The following PTBP3 variants were observed in gnomAD, a reference collection of about 807,000 sequenced individuals.
PTBP3 encodes polypyrimidine tract-binding protein 3.
PTBP3 carries 20 observed loss-of-function variants against 58.7 expected under a neutral mutation model. That is an observed-to-expected ratio of 0.34 (90% CI 0.24 to 0.50). The LOEUF (loss-of-function observed/expected upper bound fraction) is 0.50, where lower values mean the gene tolerates loss of function less well. Ranked by LOEUF, PTBP3 falls within the 20% of genes least tolerant of loss-of-function variation. The pLI, the probability that PTBP3 is intolerant of heterozygous loss-of-function variation, is 0.98. For synonymous variants in PTBP3, 185 were observed against 219.8 expected, an observed-to-expected ratio of 0.84 and a Z score of 1.40; for missense variants, 509 against 637.2, an observed-to-expected ratio of 0.80 and a Z score of 2.17.
chr9:112,256,943 A>C (rs1226612490), intron 5 of PTBP3, among the ~76,000 whole-genome samples: 1 of 152,166 alleles, frequency 6.6e-6, no homozygotes, highest in Non-Finnish European at 1.5e-5. Context: ...TCTTGATGTA[A>C]AATATATCAT....
At chr9:112,351,074 C>T in the PTBP3 span, among the ~76,000 whole-genome samples, 10 of 152,288 alleles carry the variant, frequency 6.6e-5, no homozygotes, top group South Asian at 4.1e-4. Context: ...CATGAGCCAC[C>T]GTGCCTGGCC....
At chr9:112,253,104 T>G (rs1241135827) in intron 5 of PTBP3, among the ~76,000 whole-genome samples, 4 of 152,220 alleles carry the variant, frequency 2.6e-5, no homozygotes, top group Non-Finnish European at 5.9e-5. Context: ...GTGGGAGTCA[T>G]GGACCAACTA....
intron 12 of PTBP3, 92 bp downstream of exon 12, chr9:112,227,319 G>A: frequency 7.3e-7 from 1 of 1,376,704 alleles, no homozygotes; most frequent in South Asian, 1.2e-5. Context: ...CAACTGCTAG[G>A]TTAGAACAAT....
chr9:112,258,457 T>G (rs1186136054), intron 5 of PTBP3, among the ~76,000 whole-genome samples: 1 of 151,456 alleles, frequency 6.6e-6, no homozygotes, highest in Non-Finnish European at 1.5e-5. Flanking sequence ...ATTTATCATC[T>G]CCCACTTGAA....
chr9:112,341,954 C>T, the PTBP3 span, among the ~76,000 whole-genome samples: 1 of 152,094 alleles, frequency 6.6e-6, no homozygotes, highest in Non-Finnish European at 1.5e-5. Flanking sequence ...GGCATTATTT[C>T]TGGGTGTGCT....
chr9:112,344,898 C>T, the PTBP3 span, among the ~76,000 whole-genome samples: 3 of 151,924 alleles, frequency 2.0e-5, no homozygotes, highest in Non-Finnish European at 2.9e-5. Context: ...TTTGGGAGGC[C>T]GAGGCGGGTG....
At chr9:112,368,731 T>C in the PTBP3 span, among the ~76,000 whole-genome samples, 1 of 152,156 alleles carries the variant, frequency 6.6e-6, no homozygotes. Context: ...GGAGATGAAA[T>C]ACCTCTGTGA....
intron 2 of PTBP3, among the ~76,000 whole-genome samples, chr9:112,284,791 G>A (rs1828035646): frequency 6.6e-6 from 1 of 152,144 alleles, no homozygotes; most frequent in Middle Eastern, 3.2e-3. Flanking sequence ...AGGAGCCTAT[G>A]GCCCTTGCGT....
At position 112,231,510 on chromosome 9, in the gene PTBP3, G is replaced by C. The variant is rs943621; in HGVS notation, c.1021-97C>G. 4.9e-6 allele frequency: 5 copies of C among 1,010,552 alleles called. No individual in the cohort carries two copies. The Admixed American group carries it at 7.9e-5, about 16-fold the overall frequency. 62.6% of individuals were successfully genotyped at this position (1,010,552 alleles called of 1,614,324 possible). On this transcript the variant is annotated intron_variant, in intron 9 of 13. Coordinates refer to ENST00000374257, the MANE Select transcript of PTBP3 (RefSeq NM_001163788.4). ...TAATGGCAGTTGATTTTATTTTAAAGCATGGTTTTATATGCTTCTTCCGTA... is the reference window on the plus strand; with the variant it reads ...TAATGGCAGTTGATTTTATTTTAAACCATGGTTTTATATGCTTCTTCCGTA...
Position 112,223,887 on chromosome 9 carries a change from G to C in PTBP3, c.1539C>G (p.His513Gln), listed in dbSNP as rs748561549. Residue 513 changes from histidine to glutamine, a missense_variant, in exon 14 of 14, where the codon CAC (histidine) becomes CAG (glutamine). His to Gln is a conservative substitution (Grantham distance 24). This residue lies in a region of PTBP3 where 135 missense variants were observed against 229.0 expected (regional missense o/e 0.59). Coordinates refer to ENST00000374257, the MANE Select transcript of PTBP3 (RefSeq NM_001163788.4). ...ATTTTGAGAAGGAAACTCTGAGGTG[G>C]TGATTTTCTCCAAGGTCATGGTTAT... ...ELHNHDLGEN[H>Q]HLRVSFSKST... is the part of the protein sequence containing the mutation. 3 of 1,613,434 alleles carry C rather than the reference G, an allele frequency of 1.9e-6. No homozygotes were observed. The highest frequency in any genetic ancestry group is 8.5e-7 in the Non-Finnish European group (1 of 1,179,520).
intron 1 of PTBP3, among the ~76,000 whole-genome samples, chr9:112,314,372 G>A (rs920483232): frequency 2.6e-5 from 4 of 152,186 alleles, no homozygotes; most frequent in Non-Finnish European, 5.9e-5. Context: ...AATACATATA[G>A]TAACTGAGCT....
intron 3 of PTBP3, among the ~76,000 whole-genome samples, chr9:112,274,656 T>C (rs1413665362): frequency 2.0e-5 from 3 of 152,250 alleles, no homozygotes; most frequent in East Asian, 1.9e-4. Flanking sequence ...TTCTGAATTA[T>C]GAAAGAAGCC....
At position 112,302,881 on chromosome 9, in the gene PTBP3, C is replaced by T. The variant is rs180698619; in HGVS notation, c.-51-4965G>A. Among the ~76,000 whole-genome samples, 386 of 152,232 alleles carry T rather than the reference C, an allele frequency of 2.5e-3. 2 individuals are homozygous for T. Among genetic ancestry groups the T allele is most frequent in the African/African-American group, 8.8e-3 (367 of 41,522 alleles). ...CTGGGATTACAGGCGTGAGCCACCA[C>T]GCCCAGCCTGACTATATTCTTCTTA... On this transcript the variant is annotated intron_variant, in intron 1 of 13. Transcript: ENST00000374257.
At chr9:112,282,233 G>C (rs111966970) in intron 2 of PTBP3, among the ~76,000 whole-genome samples, 94 of 152,204 alleles carry the variant, frequency 6.2e-4, no homozygotes, top group African/African-American at 2.2e-3. Context: ...AATGACTGTA[G>C]AATCATTCTT....
chr9:112,359,937 A>G, the PTBP3 span, among the ~76,000 whole-genome samples: 2 of 152,224 alleles, frequency 1.3e-5, no homozygotes, highest in Non-Finnish European at 2.9e-5. Flanking sequence ...AGTCTTAGAC[A>G]CATGCCAAAT....
intron 6 of PTBP3, 89 bp from the exon 7 acceptor site, chr9:112,251,192 G>C: frequency 9.1e-7 from 1 of 1,101,446 alleles, no homozygotes; most frequent in South Asian, 2.7e-5. Flanking sequence ...TGGCAATCAG[G>C]TGTAAGGCAG....
chr9:112,355,817 C>T, the PTBP3 span, among the ~76,000 whole-genome samples: 14 of 151,868 alleles, frequency 9.2e-5, no homozygotes, highest in African/African-American at 2.9e-4. Flanking sequence ...GACAGGGTTT[C>T]GCGTTGGCCA....
At chr9:112,304,086 G>A (rs944852808) in intron 1 of PTBP3, among the ~76,000 whole-genome samples, 9 of 151,850 alleles carry the variant, frequency 5.9e-5, no homozygotes, top group Admixed American at 5.9e-4. Context: ...AGAATCACTT[G>A]AACCCAGGAG....
rs984980653 is a variant in PTBP3 at position 112,218,632 on chromosome 9, T to C, written c.*5219A>G. 2.6e-5 allele frequency: 4 copies of C among 152,768 alleles called. No individual in the cohort carries two copies. In the East Asian group the frequency reaches 5.8e-4, roughly 22 times the overall value. 9.5% of individuals were successfully genotyped at this position (152,768 alleles called of 1,614,324 possible). A position where few individuals can be genotyped will look rare whatever the true frequency, so the allele number is the denominator to read the frequency against. On this transcript the variant is annotated 3_prime_UTR_variant, in exon 14 of 14. Coordinates refer to ENST00000374257, the MANE Select transcript of PTBP3 (RefSeq NM_001163788.4). ...AGAAAATATGTTTTTTAATATTTTA[T>C]CTTCTCTTTGCATTTATAACATAAT...
Sources: allele counts gnomAD v4.1 joint callset (sites outside exome capture counted in the v4.1 genomes callset), GRCh38; gene constraint gnomAD v4.1.1; regional missense constraint gnomAD v4.1.1; transcripts MANE v1.5; gene names NCBI Gene and HGNC (gene_info 2026-07-23, HGNC 2026-07-21).